ATG10: variants seen among roughly 807,000 people sequenced by gnomAD.
ATG10 encodes autophagy related 10, also known as ubiquitin-like-conjugating enzyme ATG10.
A neutral mutation model predicts 32.1 loss-of-function variants in ATG10; 30 were observed. The ratio of observed to expected loss-of-function variants is 0.94; its 90% confidence interval spans 0.70 to 1.27. The LOEUF (loss-of-function observed/expected upper bound fraction) is 1.27, where lower values mean the gene tolerates loss of function less well. Ranked by LOEUF, ATG10 falls within the 50% of genes most tolerant of loss-of-function variation. ATG10 has a pLI of 0.00. For synonymous variants in ATG10, 87 were observed against 91.5 expected, an observed-to-expected ratio of 0.95 and a Z score of 0.28; for missense variants, 233 against 262.3, an observed-to-expected ratio of 0.89 and a Z score of 0.77.
chr5:82,103,668 G>A (rs1320167651), intron 3 of ATG10, among the ~76,000 whole-genome samples: 1 of 151,912 alleles, frequency 6.6e-6, no homozygotes, highest in Non-Finnish European at 1.5e-5. Context: ...TATGCCTTGG[G>A]TGGGTTTCCT....
intron 1 of ATG10, among the ~76,000 whole-genome samples, chr5:81,975,870 TATA>T: frequency 2.0e-5 from 3 of 152,060 alleles, no homozygotes; most frequent in Admixed American, 2.0e-4. Flanking sequence ...CTATATAATA[TATA>T]ATAACATACA....
intron 3 of ATG10, among the ~76,000 whole-genome samples, chr5:82,116,267 T>A (rs1470528217): frequency 2.6e-5 from 4 of 152,074 alleles, no homozygotes; most frequent in African/African-American, 9.6e-5. Flanking sequence ...GATTATAGAA[T>A]TTCAGTTATA....
At chr5:81,992,220 G>C (rs1304392993) in intron 2 of ATG10, 4 of 151,764 alleles carry the variant, frequency 2.6e-5, no homozygotes, top group Admixed American at 2.6e-4. Context: ...GAACTCCTGG[G>C]CTCAAGCTGT....
chr5:82,109,570 A>G (rs1361236757), intron 3 of ATG10, among the ~76,000 whole-genome samples: 1 of 151,744 alleles, frequency 6.6e-6, no homozygotes, highest in Non-Finnish European at 1.5e-5. Flanking sequence ...ATTACTTTTT[A>G]TTTGATTTTT....
intron 2 of ATG10, among the ~76,000 whole-genome samples, chr5:82,004,403 G>T (rs991097472): frequency 5.3e-5 from 8 of 152,142 alleles, no homozygotes; most frequent in African/African-American, 1.9e-4. Flanking sequence ...CCCCGAAGTT[G>T]AATCTGAATA....
chr5:82,238,578 T>G (rs1475800210), intron 5 of ATG10, among the ~76,000 whole-genome samples: 1 of 152,164 alleles, frequency 6.6e-6, no homozygotes, highest in Non-Finnish European at 1.5e-5. Context: ...GAATGTAAAT[T>G]CTATGAGAAC....
At chr5:82,051,406 G>A (rs1395944002) in intron 2 of ATG10, among the ~76,000 whole-genome samples, 3 of 152,108 alleles carry the variant, frequency 2.0e-5, no homozygotes, top group Non-Finnish European at 2.9e-5. Flanking sequence ...TTAATGAGGT[G>A]TCATGTTTAA....
intron 2 of ATG10, among the ~76,000 whole-genome samples, chr5:82,023,455 A>G (rs967379042): frequency 1.3e-5 from 2 of 152,258 alleles, no homozygotes; most frequent in African/African-American, 4.8e-5. Flanking sequence ...GACAGATTTA[A>G]TATATTAGTT....
intron 5 of ATG10, among the ~76,000 whole-genome samples, chr5:82,207,149 A>T (rs1373358283): frequency 1.3e-5 from 2 of 152,186 alleles, no homozygotes; most frequent in African/African-American, 2.4e-5. Flanking sequence ...ATATGTATGT[A>T]TGCATTTCTA....
chr5:82,119,731 G>A (rs1431622699), intron 3 of ATG10, among the ~76,000 whole-genome samples: 1 of 152,172 alleles, frequency 6.6e-6, no homozygotes, highest in African/African-American at 2.4e-5. Flanking sequence ...AAAGTGCTGG[G>A]ATTACAGGTG....
intron 3 of ATG10, among the ~76,000 whole-genome samples, chr5:82,115,097 A>G (rs1765753490): frequency 6.6e-6 from 1 of 152,102 alleles, no homozygotes; most frequent in African/African-American, 2.4e-5. Context: ...AGTAAACCAC[A>G]GAATTAACTA....
intron 3 of ATG10, among the ~76,000 whole-genome samples, chr5:82,068,397 A>G (rs1297710123): frequency 2.0e-5 from 3 of 152,010 alleles, no homozygotes; most frequent in African/African-American, 7.2e-5. Flanking sequence ...AGGGCCTGTC[A>G]TAGGATTGGG....
intron 2 of ATG10, among the ~76,000 whole-genome samples, chr5:82,053,481 G>A (rs989872388): frequency 2.6e-5 from 4 of 151,946 alleles, no homozygotes; most frequent in Middle Eastern, 3.2e-3. Flanking sequence ...GTTGCATGCC[G>A]TAGAATTTAC....
chr5:82,228,404 C>T (rs1418547119), intron 5 of ATG10, among the ~76,000 whole-genome samples: 3 of 152,164 alleles, frequency 2.0e-5, no homozygotes, highest in Middle Eastern at 3.4e-3. Context: ...TAACATAGAA[C>T]AAAATGGCCA....
intron 2 of ATG10, among the ~76,000 whole-genome samples, chr5:82,039,008 G>A (rs1038975027): frequency 1.3e-5 from 2 of 152,092 alleles, no homozygotes; most frequent in Admixed American, 1.3e-4. Context: ...CACTATGCCT[G>A]GCTGATTTTT....
chr5:82,097,643 C>T (rs1434608053), intron 3 of ATG10, among the ~76,000 whole-genome samples: 1 of 152,142 alleles, frequency 6.6e-6, no homozygotes. Flanking sequence ...ATTACTTTTG[C>T]ACTGGCCTAA....
At chr5:82,065,460 C>T (rs1379728758) in intron 3 of ATG10, among the ~76,000 whole-genome samples, 5 of 148,526 alleles carry the variant, frequency 3.4e-5, no homozygotes, top group South Asian at 4.2e-4. Flanking sequence ...CCAGCCTGGG[C>T]GAGAGAGCAA....
At chr5:81,981,553 T>C (rs1182672026) in intron 1 of ATG10, among the ~76,000 whole-genome samples, 1 of 152,244 alleles carries the variant, frequency 6.6e-6, no homozygotes, top group Non-Finnish European at 1.5e-5. Flanking sequence ...TAATGTGGAA[T>C]TGTTGCTAGG....
chr5:82,091,339 G>A (rs186673727), intron 3 of ATG10, among the ~76,000 whole-genome samples: 35 of 152,108 alleles, frequency 2.3e-4, no homozygotes, highest in Admixed American at 9.8e-4. Flanking sequence ...TTAATAGCTG[G>A]GATTACAGGC....
Sources: gnomAD v4.1 joint callset for allele counts (sites outside exome capture counted in the v4.1 genomes callset) on GRCh38, gnomAD v4.1.1 for gene constraint, MANE v1.5 for transcripts, NCBI Gene and HGNC (gene_info 2026-07-23, HGNC 2026-07-21) for gene names.